The following CSGALNACT1 variants were observed in gnomAD, a reference collection of about 807,000 sequenced individuals.
CSGALNACT1 encodes beta4GalNAcT-1.
In CSGALNACT1, 52 loss-of-function variants were observed where a neutral mutation model predicts 51.0. That is an observed-to-expected ratio of 1.02 (90% confidence interval 0.82 to 1.29). The LOEUF (loss-of-function observed/expected upper bound fraction) is 1.29, where lower values mean the gene tolerates loss of function less well. Ranked by LOEUF, CSGALNACT1 falls within the 50% of genes most tolerant of loss-of-function variation. The pLI is 0.00. For synonymous variants in CSGALNACT1, 341 were observed against 254.4 expected (o/e 1.34, Z -3.24); for missense variants, 935 against 679.2 (o/e 1.38, Z -4.19).
At chr8:19,444,130 G>C (rs2061747082) in intron 5 of CSGALNACT1, among the ~76,000 whole-genome samples, 1 of 152,200 alleles carries the variant, frequency 6.6e-6, no homozygotes, top group Non-Finnish European at 1.5e-5. Context: ...CCACAGACCA[G>C]TAATGGTGTG....
At chr8:19,605,012 C>A (rs1187986621), upstream of CSGALNACT1, among the ~76,000 whole-genome samples, 1 of 151,994 alleles carries the variant, frequency 6.6e-6, no homozygotes, top group South Asian at 2.1e-4. Flanking sequence ...CTAAGGCTGC[C>A]ATGTTGGCCT....
chr8:19,480,043 C>A (rs1036798426), intron 4 of CSGALNACT1, among the ~76,000 whole-genome samples: 12 of 152,148 alleles, frequency 7.9e-5, no homozygotes, highest in African/African-American at 2.9e-4. Flanking sequence ...CAAATAACTA[C>A]AACAATGCAT....
intron 1 of CSGALNACT1, among the ~76,000 whole-genome samples, chr8:19,660,584 T>C (rs2058671315): frequency 6.6e-6 from 1 of 152,146 alleles, no homozygotes; most frequent in South Asian, 2.1e-4. Flanking sequence ...CTGGTCCTGG[T>C]ACATCTAAAG....
At chr8:19,673,033 A>G (rs548081345) in intron 1 of CSGALNACT1, among the ~76,000 whole-genome samples, 12 of 152,356 alleles carry the variant, frequency 7.9e-5, no homozygotes, top group Admixed American at 7.8e-4. Context: ...AAGTGAAATC[A>G]AAGAGCCATC....
At chr8:19,660,322 T>C (rs1446369523) in intron 1 of CSGALNACT1, among the ~76,000 whole-genome samples, 1 of 152,156 alleles carries the variant, frequency 6.6e-6, no homozygotes, top group African/African-American at 2.4e-5. Flanking sequence ...CAGTCCAAGA[T>C]CTTAACTGCA....
chr8:19,643,284 A>C (rs974535916), intron 1 of CSGALNACT1, among the ~76,000 whole-genome samples: 2 of 152,222 alleles, frequency 1.3e-5, no homozygotes, highest in African/African-American at 2.4e-5. Context: ...CAATATTCCT[A>C]ATCTATAAAG....
At chr8:19,647,234 G>C (rs1000068986) in intron 1 of CSGALNACT1, among the ~76,000 whole-genome samples, 52 of 152,204 alleles carry the variant, frequency 3.4e-4, no homozygotes, top group African/African-American at 1.1e-3. Context: ...AGTATTTCCT[G>C]ATTTTATACC....
chr8:19,709,834 A>G (rs1319238843), intron 1 of CSGALNACT1, among the ~76,000 whole-genome samples: 2 of 152,072 alleles, frequency 1.3e-5, no homozygotes, highest in Non-Finnish European at 2.9e-5. Context: ...GTCAGGTAAG[A>G]TTGTAAGTGG....
chr8:19,691,923 T>A (rs1004990027), intron 1 of CSGALNACT1, among the ~76,000 whole-genome samples: 1 of 152,064 alleles, frequency 6.6e-6, no homozygotes, highest in Non-Finnish European at 1.5e-5. Context: ...TGCCCAAGAC[T>A]GGGTAATTTC....
chr8:19,564,041 T>C (rs913329144), intron 3 of CSGALNACT1, among the ~76,000 whole-genome samples: 1 of 152,212 alleles, frequency 6.6e-6, no homozygotes, highest in African/African-American at 2.4e-5. Flanking sequence ...CACTGAGCAC[T>C]GCCCTGTCCT....
chr8:19,435,985 T>C (rs949913849), intron 6 of CSGALNACT1, among the ~76,000 whole-genome samples: 9 of 152,146 alleles, frequency 5.9e-5, no homozygotes, highest in Admixed American at 2.6e-4. Flanking sequence ...CCTACTTCAC[T>C]TTTTAAAAAT....
intron 1 of CSGALNACT1, among the ~76,000 whole-genome samples, chr8:19,716,717 G>A (rs150647773): frequency 6.6e-6 from 1 of 151,126 alleles, no homozygotes; most frequent in Non-Finnish European, 1.5e-5. Flanking sequence ...ACGGGAACAT[G>A]GGAGGCAGAA....
At chr8:19,532,493 A>G (rs1187225363) in intron 3 of CSGALNACT1, among the ~76,000 whole-genome samples, 1 of 152,128 alleles carries the variant, frequency 6.6e-6, no homozygotes, top group Non-Finnish European at 1.5e-5. Flanking sequence ...ATGACAAAAG[A>G]GCTCCCTAAC....
chr8:19,566,789 A>G (rs2041988806), intron 3 of CSGALNACT1, among the ~76,000 whole-genome samples: 1 of 152,214 alleles, frequency 6.6e-6, no homozygotes, highest in African/African-American at 2.4e-5. Context: ...ATAACATAAA[A>G]GAGGATAACA....
rs1349228141 is a variant in CSGALNACT1, at chr8:19,667,055, G to C, written c.-544+15418C>G. The stretch of plus-strand genomic sequence containing the variant: ...AGGAAGGAAGGAAGAAAGAAAGAAA[G>C]AAAGAAAGAAAGAAAGAAAGAAAGA... On this transcript the variant is annotated intron_variant, in intron 1 of 9. Transcript: ENST00000332246. Among the ~76,000 whole-genome samples, 5 of 110,992 alleles carry C rather than the reference G, an allele frequency of 4.5e-5. 1 individual carries two copies. Among genetic ancestry groups the C allele is most frequent in the Admixed American group, 2.8e-4 (3 of 10,682 alleles). The allele number at this position is 110,992 out of a possible 152,430, so 72.8% of individuals were successfully genotyped here. A position where few individuals can be genotyped will look rare whatever the true frequency, so the allele number is the denominator to read the frequency against.
intron 1 of CSGALNACT1, among the ~76,000 whole-genome samples, chr8:19,699,488 A>G (rs1361829081): frequency 1.3e-5 from 2 of 152,246 alleles, no homozygotes; most frequent in East Asian, 3.8e-4. Context: ...ACAAGCTATA[A>G]CACAAGTGAA....
At chr8:19,477,746 G>A (rs143305702) in intron 4 of CSGALNACT1, among the ~76,000 whole-genome samples, 130 of 152,276 alleles carry the variant, frequency 8.5e-4, no homozygotes, top group Middle Eastern at 3.4e-3. Flanking sequence ...AAGAATGATC[G>A]TAATACAATA....
At chr8:19,589,850 T>C (rs937991063) in intron 3 of CSGALNACT1, among the ~76,000 whole-genome samples, 21 of 152,152 alleles carry the variant, frequency 1.4e-4, no homozygotes, top group Non-Finnish European at 8.8e-5. Context: ...AAATCATTAA[T>C]CCACAGAAAA....
At chr8:19,620,107 G>A (rs1021452615) in intron 1 of CSGALNACT1, among the ~76,000 whole-genome samples, 3 of 152,074 alleles carry the variant, frequency 2.0e-5, no homozygotes, top group Non-Finnish European at 4.4e-5. Flanking sequence ...GAGGCCAGGA[G>A]TTCAAGACCA....
Sources: allele counts gnomAD v4.1 joint callset (sites outside exome capture counted in the v4.1 genomes callset), GRCh38; gene constraint gnomAD v4.1.1; transcripts MANE v1.5; gene names NCBI Gene and HGNC (gene_info 2026-07-23, HGNC 2026-07-21).